The following ATP11C variants were observed in gnomAD, a reference collection of about 807,000 sequenced individuals.
ATP11C encodes phospholipid-transporting ATPase IG.
Under a neutral mutation model 97.4 loss-of-function variants are expected in ATP11C, and 36 were observed. The observed-to-expected ratio is 0.37, with a 90% CI of 0.28 to 0.49. The LOEUF is 0.49. ATP11C is among the 20% of genes least tolerant of loss of function. The probability of loss-of-function intolerance (pLI) is 0.98; values close to 1 mark genes in which losing one functional copy is unlikely to be tolerated. For missense variants in ATP11C, 730 were observed against 824.6 expected (o/e 0.89, Z 1.40); for synonymous variants, 275 against 290.9 (o/e 0.95, Z 0.56).
rs190559636 is a variant in ATP11C, at chrX:139,916,487, A to G, written c.27+15529T>C. 1.5e-4 allele frequency among the ~76,000 whole-genome samples: 17 copies of G among 111,334 alleles called. No individual in the cohort carries two copies. The East Asian group carries it at 2.8e-3, about 19-fold the overall frequency. ...CTAGACACTAAGTAAGTTACCAAAT[A>G]CAGTATGCAAATGTAAAGTCAACTA... On this transcript the variant is annotated intron_variant, in intron 1 of 29. Coordinates refer to ENST00000682941, the MANE Select transcript of ATP11C (RefSeq NM_001353812.2).
intron 27 of ATP11C, among the ~76,000 whole-genome samples, chrX:139,739,384 G>C (rs1368508013): frequency 9.1e-6 from 1 of 109,774 alleles, no homozygotes; most frequent in African/African-American, 3.3e-5. Context: ...TTTGGGGCTC[G>C]GAAGTCATCA....
At chrX:139,746,599 T>G (rs2081691949) in intron 24 of ATP11C, among the ~76,000 whole-genome samples, 1 of 112,213 alleles carries the variant, frequency 8.9e-6, no homozygotes, top group Non-Finnish European at 1.9e-5. Flanking sequence ...TCACCTTTTT[T>G]TAGGTCTTAC....
At chrX:139,852,994 C>T (rs921710294) in intron 1 of ATP11C, among the ~76,000 whole-genome samples, 1 of 111,223 alleles carries the variant, frequency 9.0e-6, no homozygotes, top group African/African-American at 3.3e-5. Context: ...CAAGGCAAGA[C>T]ATCCCTGGTG....
At position 139,787,232 on chromosome X, in the gene ATP11C, T is replaced by G. The variant is rs763546829; in HGVS notation, c.1533A>C (p.Thr511=). 3 of 1,181,122 alleles carry G rather than the reference T, an allele frequency of 2.5e-6. No homozygotes were observed. In the Admixed American group the frequency reaches 6.6e-5, roughly 26 times the overall value. Residue 511 remains threonine, a synonymous_variant, in exon 15 of 30, where the codon ACA becomes ACC. Transcript: ENST00000682941. ...LVKGAKRYGF[T]FLGNRNGYMR... The stretch of plus-strand genomic sequence containing the variant: ...TATATCCATTTCGATTTCCTAAAAA[T>G]GTGAACCCGTACCTATCAAAAACAA...
chrX:139,921,726 G>C, intron 1 of ATP11C, among the ~76,000 whole-genome samples: 1 of 111,275 alleles, frequency 9.0e-6, no homozygotes, highest in Non-Finnish European at 1.9e-5. Flanking sequence ...TTAAATAAAT[G>C]ACCACTAGTA....
chrX:139,745,842 A>AT lies in ATP11C; in HGVS notation c.2843dup (p.Asn948LysfsTer19), dbSNP rs2081671146. 8.4e-7 allele frequency: 1 copy of AT among 1,193,593 alleles called. No individual in the cohort carries two copies. Among genetic ancestry groups the AT allele is most frequent in the Admixed American group, 2.3e-5 (1 of 42,601 alleles). On this transcript the variant is annotated frameshift_variant, in exon 25 of 30. Transcript: ENST00000682941. LOFTEE classifies it high-confidence loss of function. Reference sequence around the variant, plus strand: ...AGAAGGGGCCCAACTGTAGCATGGCATTGCCAGAAATTTTCCTATTGAGAA... The same window carrying AT: ...AGAAGGGGCCCAACTGTAGCATGGCATTTGCCAGAAATTTTCCTATTGAGAA...
chrX:139,891,927 A>G (rs185357528), intron 1 of ATP11C, among the ~76,000 whole-genome samples: 2 of 110,595 alleles, frequency 1.8e-5, no homozygotes, highest in East Asian at 2.8e-4. Flanking sequence ...TGTAGTCTCA[A>G]CACACTGCAA....
At chrX:139,848,807 T>C (rs778754947) in intron 1 of ATP11C, among the ~76,000 whole-genome samples, 13 of 112,175 alleles carry the variant, frequency 1.2e-4, no homozygotes, top group African/African-American at 3.9e-4. Context: ...CTTCCCAACC[T>C]GGCTTTTTGC....
At chrX:139,935,381 C>T (rs2085512020), upstream of ATP11C, among the ~76,000 whole-genome samples, 2 of 111,535 alleles carry the variant, frequency 1.8e-5, no homozygotes, top group Admixed American at 1.9e-4. Flanking sequence ...GCCTGGGCAA[C>T]ATGGTGAAAC....
chrX:139,885,199 C>A (rs907033970), intron 1 of ATP11C, among the ~76,000 whole-genome samples: 1 of 110,481 alleles, frequency 9.1e-6, no homozygotes, highest in Non-Finnish European at 1.9e-5. Flanking sequence ...CACACACATA[C>A]CCACTCACTT....
intron 1 of ATP11C, among the ~76,000 whole-genome samples, chrX:139,843,220 C>A (rs1197710602): frequency 8.9e-6 from 1 of 112,369 alleles, no homozygotes; most frequent in Admixed American, 9.4e-5. Flanking sequence ...TAGGATACAA[C>A]AGGACTTCTT....
At chrX:139,752,128 C>A (rs1384593965) in intron 23 of ATP11C, among the ~76,000 whole-genome samples, 1 of 111,382 alleles carries the variant, frequency 9.0e-6, no homozygotes, top group Non-Finnish European at 1.9e-5. Flanking sequence ...CTTCCCTTAC[C>A]TCCAGGTCTC....
chrX:139,733,922 G>C (rs1434929095), intron 28 of ATP11C, among the ~76,000 whole-genome samples: 12 of 111,591 alleles, frequency 1.1e-4, no homozygotes, highest in Non-Finnish European at 3.8e-5. Context: ...CATGGAAAGA[G>C]TAACTAAAGC....
At chrX:139,870,925 G>A (rs868243307) in intron 1 of ATP11C, among the ~76,000 whole-genome samples, 28 of 108,187 alleles carry the variant, frequency 2.6e-4, no homozygotes, top group Admixed American at 1.4e-3. Flanking sequence ...GCGCGGTGGC[G>A]GGCGCCTGTA....
intron 13 of ATP11C, 89 bp from the exon 14 acceptor site, chrX:139,788,432 G>C (rs1603367302): frequency 1.2e-6 from 1 of 851,430 alleles, no homozygotes; most frequent in Non-Finnish European, 1.7e-6. Flanking sequence ...ATTAATGTGA[G>C]AGAATGTTGT....
At chrX:139,867,119 G>A (rs1288783963) in intron 1 of ATP11C, among the ~76,000 whole-genome samples, 1 of 111,446 alleles carries the variant, frequency 9.0e-6, no homozygotes, top group Non-Finnish European at 1.9e-5. Flanking sequence ...TACTATCAGA[G>A]GCAGCTGAAT....
chrX:139,774,657 G>A (rs1265875420), intron 19 of ATP11C, 33 bp downstream of exon 19: 1 of 1,147,189 alleles, frequency 8.7e-7, no homozygotes, highest in South Asian at 1.9e-5. Flanking sequence ...CTACACCAAT[G>A]TCTAAATATA....
chrX:139,772,552 C>G (rs2082274070), intron 19 of ATP11C, among the ~76,000 whole-genome samples: 1 of 111,875 alleles, frequency 8.9e-6, no homozygotes, highest in African/African-American at 3.3e-5. Context: ...AGGAGGGAGA[C>G]TATACCCTGC....
intron 5 of ATP11C, among the ~76,000 whole-genome samples, chrX:139,806,329 A>G (rs1415942420): frequency 2.7e-5 from 3 of 111,763 alleles, no homozygotes; most frequent in Non-Finnish European, 5.6e-5. Flanking sequence ...TTACCATTTT[A>G]AAAGCCACAA....
Sources: gnomAD v4.1 joint callset for allele counts (sites outside exome capture counted in the v4.1 genomes callset) on GRCh38, gnomAD v4.1.1 for gene constraint, MANE v1.5 for transcripts, NCBI Gene and HGNC (gene_info 2026-07-23, HGNC 2026-07-21) for gene names.